The following CFAP92 variants were observed in gnomAD, a reference collection of about 807,000 sequenced individuals.
The protein encoded by CFAP92 is cilia and flagella associated protein 92 (putative), also known as uncharacterized protein CFAP92.
A neutral mutation model predicts 106.3 loss-of-function variants in CFAP92; 86 were observed. The observed-to-expected ratio is 0.81, with a 90% CI of 0.68 to 0.97. The LOEUF (loss-of-function observed/expected upper bound fraction) is 0.97. Ranked by LOEUF, CFAP92 falls within the 50% of genes least tolerant of loss-of-function variation. The pLI is 0.00. For synonymous variants in CFAP92, 477 were observed against 506.4 expected (o/e 0.94, Z 0.78); for missense variants, 1,204 against 1,283.8 (o/e 0.94, Z 0.95).
intron 9 of CFAP92, among the ~76,000 whole-genome samples, chr3:128,956,354 G>A (rs997493084): frequency 6.6e-6 from 1 of 151,796 alleles, no homozygotes; most frequent in Admixed American, 6.6e-5. Flanking sequence ...TCATGTCATT[G>A]GAGTTTCAGA....
intron 10 of CFAP92, among the ~76,000 whole-genome samples, chr3:128,942,291 G>C (rs922874779): frequency 6.6e-6 from 1 of 152,232 alleles, no homozygotes; most frequent in Non-Finnish European, 1.5e-5. Flanking sequence ...AGCTTCTACT[G>C]TCTTCTCGTG....
chr3:129,012,547 A>G, the CFAP92 span, among the ~76,000 whole-genome samples: 5 of 152,184 alleles, frequency 3.3e-5, no homozygotes, highest in Non-Finnish European at 7.4e-5. Flanking sequence ...GCACCTGTAG[A>G]TAAAGTCCTA....
intron 9 of CFAP92, among the ~76,000 whole-genome samples, chr3:128,951,946 A>C (rs959254931): frequency 3.5e-4 from 53 of 152,110 alleles, no homozygotes; most frequent in African/African-American, 1.2e-3. Context: ...AGTGAAGTCC[A>C]CAAGAGCAGT....
At chr3:128,921,800 A>G (rs1446665922) in intron 12 of CFAP92, among the ~76,000 whole-genome samples, 1 of 152,164 alleles carries the variant, frequency 6.6e-6, no homozygotes, top group African/African-American at 2.4e-5. Flanking sequence ...AAACCAAGGC[A>G]TATCCGGCAC....
At chr3:128,976,870 C>A in intron 6 of CFAP92, 109 bp downstream of exon 6, 1 of 826,718 alleles carries the variant, frequency 1.2e-6, no homozygotes, top group South Asian at 1.4e-5. Context: ...GCCTGGATTG[C>A]ATGAGATCCA....
intron 4 of CFAP92, among the ~76,000 whole-genome samples, chr3:128,980,855 G>T (rs1943485059): frequency 6.6e-6 from 1 of 152,078 alleles, no homozygotes; most frequent in Admixed American, 6.5e-5. Flanking sequence ...TTCTCTTGCT[G>T]TTTCCACCAC....
intron 9 of CFAP92, among the ~76,000 whole-genome samples, chr3:128,953,741 G>C (rs1243336994): frequency 9.6e-5 from 12 of 125,278 alleles, no homozygotes; most frequent in African/African-American, 2.8e-4. Context: ...TCAGCCTGCC[G>C]AGTGCCTGCG....
chr3:128,911,000 AC>A (rs1342872130), intron 15 of CFAP92, among the ~76,000 whole-genome samples: 1 of 152,204 alleles, frequency 6.6e-6, no homozygotes, highest in Non-Finnish European at 1.5e-5. Context: ...GTAGGTGCAT[AC>A]CTGCCCCATT....
chr3:128,935,093 C>A, intron 11 of CFAP92, 32 bp downstream of exon 11: 1 of 1,480,424 alleles, frequency 6.8e-7, no homozygotes, highest in African/African-American at 1.4e-5. Flanking sequence ...CCCGCCGGGG[C>A]GCAGGACCAC....
chr3:128,919,569 G>A (rs1226439526), intron 12 of CFAP92, among the ~76,000 whole-genome samples: 1 of 152,160 alleles, frequency 6.6e-6, no homozygotes, highest in East Asian at 1.9e-4. Flanking sequence ...TAACATCACT[G>A]GAGAACAACC....
intron 7 of CFAP92, among the ~76,000 whole-genome samples, chr3:128,972,160 C>A (rs1175925805): frequency 6.6e-6 from 1 of 152,094 alleles, no homozygotes; most frequent in African/African-American, 2.4e-5. Context: ...AAAATGAATT[C>A]CAGACTAAAA....
At chr3:128,991,887 G>A in intron 2 of CFAP92, 2 of 986,676 alleles carry the variant, frequency 2.0e-6, no homozygotes, top group Non-Finnish European at 2.4e-6. Context: ...AAGATGTGAA[G>A]TACTACTTGT....
intron 9 of CFAP92, among the ~76,000 whole-genome samples, chr3:128,960,075 G>A (rs1479565081): frequency 1.3e-5 from 2 of 152,096 alleles, no homozygotes; most frequent in Non-Finnish European, 2.9e-5. Context: ...CTGCCCACCA[G>A]AGAACAACCC....
chr3:129,002,444 A>C (rs756616547), intron 1 of CFAP92: 33 of 1,397,086 alleles, frequency 2.4e-5, no homozygotes, highest in Non-Finnish European at 3.0e-5. Context: ...GGGCAGCCCC[A>C]CACCATCCCA....
intron 4 of CFAP92, among the ~76,000 whole-genome samples, chr3:128,982,753 G>A (rs1943609801): frequency 6.6e-6 from 1 of 152,170 alleles, no homozygotes; most frequent in South Asian, 2.1e-4. Flanking sequence ...TTTTGGTATT[G>A]TGTATCTCAG....
intron 9 of CFAP92, among the ~76,000 whole-genome samples, chr3:128,963,175 G>A (rs563033938): frequency 2.0e-4 from 31 of 152,274 alleles, no homozygotes; most frequent in East Asian, 3.9e-4. Context: ...CCTGCTGATC[G>A]TGTCTGATTA....
chr3:128,922,625 G>T (rs796893626), intron 12 of CFAP92, among the ~76,000 whole-genome samples: 28 of 152,302 alleles, frequency 1.8e-4, no homozygotes, highest in African/African-American at 6.7e-4. Flanking sequence ...TAAATCAATG[G>T]CCCCAACACT....
intron 12 of CFAP92, among the ~76,000 whole-genome samples, chr3:128,928,932 A>G (rs1170338959): frequency 1.3e-5 from 2 of 152,208 alleles, no homozygotes; most frequent in African/African-American, 4.8e-5. Flanking sequence ...ACAACTCAAC[A>G]ATAAAAAGAC....
the CFAP92 span, among the ~76,000 whole-genome samples, chr3:129,008,588 G>A: frequency 1.3e-5 from 2 of 152,218 alleles, no homozygotes; most frequent in Non-Finnish European, 2.9e-5. Context: ...AGCACGTTCT[G>A]TGGACCAATC....
Sources: gnomAD v4.1 joint callset for allele counts (sites outside exome capture counted in the v4.1 genomes callset) on GRCh38, gnomAD v4.1.1 for gene constraint, MANE v1.5 for transcripts, NCBI Gene and HGNC (gene_info 2026-07-23, HGNC 2026-07-21) for gene names.